ZNF804B: variants seen among roughly 807,000 people sequenced by gnomAD.
ZNF804B encodes the protein zinc finger 804B.
A neutral mutation model predicts 101.4 loss-of-function variants in ZNF804B; 80 were observed. That is an observed-to-expected ratio of 0.79 (90% CI 0.66 to 0.95). ZNF804B has a LOEUF of 0.95. Ranked by LOEUF, ZNF804B falls within the 40% of genes least tolerant of loss-of-function variation. The pLI is 0.00. For synonymous variants in ZNF804B, 622 were observed against 558.8 expected (o/e 1.11, Z -1.59); for missense variants, 1,673 against 1,561.9 (o/e 1.07, Z -1.20).
At chr7:89,324,887 T>C (rs916589879) in intron 2 of ZNF804B, among the ~76,000 whole-genome samples, 3 of 151,978 alleles carry the variant, frequency 2.0e-5, no homozygotes, top group Non-Finnish European at 4.4e-5. Context: ...CAGCTAGTTA[T>C]GTGGAGTCAG....
chr7:89,082,122 G>A (rs894016802), intron 1 of ZNF804B, among the ~76,000 whole-genome samples: 1 of 151,674 alleles, frequency 6.6e-6, no homozygotes, highest in Non-Finnish European at 1.5e-5. Context: ...CCAACTTTGT[G>A]TGAAGAACAT....
chr7:89,103,642 A>T lies in ZNF804B; in HGVS notation c.109-114513A>T, dbSNP rs75602247. On this transcript the variant is annotated intron_variant, in intron 1 of 3. Coordinates refer to ENST00000333190, the MANE Select transcript of ZNF804B (RefSeq NM_181646.5). ...CTGTGAGTCTTCTAAAGAGGTCTTT[A>T]GGGTTTTCTAGGTATATAATTATGT... Among the ~76,000 whole-genome samples, 214 of 151,898 alleles carry T rather than the reference A, an allele frequency of 1.4e-3. 4 individuals are homozygous for T. In the East Asian group the frequency reaches 0.036, roughly 26 times the overall value.
chr7:89,091,188 A>T (rs74626072), intron 1 of ZNF804B, among the ~76,000 whole-genome samples: 443 of 152,194 alleles, frequency 2.9e-3, no homozygotes, highest in Middle Eastern at 0.01. Context: ...GAGTTTAGGG[A>T]TGCTAATTAT....
chr7:88,797,906 G>C (rs952682390), intron 1 of ZNF804B, among the ~76,000 whole-genome samples: 3 of 152,088 alleles, frequency 2.0e-5, no homozygotes, highest in African/African-American at 7.2e-5. Flanking sequence ...GAACAAGATT[G>C]TTAACTCACC....
chr7:89,041,543 G>C (rs1358459243), intron 1 of ZNF804B, among the ~76,000 whole-genome samples: 1 of 152,128 alleles, frequency 6.6e-6, no homozygotes, highest in East Asian at 1.9e-4. Flanking sequence ...TGAGTCTGGA[G>C]ACTTGGTCTT....
intron 1 of ZNF804B, among the ~76,000 whole-genome samples, chr7:88,853,553 A>AT (rs1287018132): frequency 2.0e-5 from 3 of 152,232 alleles, no homozygotes; most frequent in South Asian, 4.1e-4. Flanking sequence ...CTATTCCAAG[A>AT]TTTTTTTGTG....
intron 1 of ZNF804B, among the ~76,000 whole-genome samples, chr7:89,201,258 C>T (rs1415881767): frequency 1.1e-4 from 16 of 151,980 alleles, no homozygotes; most frequent in Admixed American, 7.9e-4. Flanking sequence ...AGTAACAGAG[C>T]ATGTAAGCTG....
chr7:89,001,938 G>C (rs1325865950), intron 1 of ZNF804B, among the ~76,000 whole-genome samples: 1 of 150,900 alleles, frequency 6.6e-6, no homozygotes, highest in Non-Finnish European at 1.5e-5. Context: ...ATACAATTTT[G>C]TCAATTAAAA....
At chr7:89,331,145 T>G (rs1790971249) in intron 3 of ZNF804B, among the ~76,000 whole-genome samples, 1 of 151,704 alleles carries the variant, frequency 6.6e-6, no homozygotes, top group Admixed American at 6.6e-5. Context: ...GTCAGATCGA[T>G]TGAAGCTTCT....
intron 2 of ZNF804B, among the ~76,000 whole-genome samples, chr7:89,290,764 A>G (rs1452425756): frequency 2.0e-5 from 3 of 152,112 alleles, no homozygotes; most frequent in Non-Finnish European, 4.4e-5. Context: ...TGGCTCCTGG[A>G]TGGCATCACT....
chr7:89,271,454 C>G (rs1185647260), intron 2 of ZNF804B, among the ~76,000 whole-genome samples: 1 of 152,156 alleles, frequency 6.6e-6, no homozygotes, highest in East Asian at 1.9e-4. Context: ...TGATATGTTG[C>G]TGGATTCAGT....
At chr7:89,317,065 C>A (rs1790744110) in intron 2 of ZNF804B, among the ~76,000 whole-genome samples, 1 of 152,120 alleles carries the variant, frequency 6.6e-6, no homozygotes, top group African/African-American at 2.4e-5. Flanking sequence ...GAAAGCCCAA[C>A]CCCAGGGCAT....
intron 1 of ZNF804B, among the ~76,000 whole-genome samples, chr7:88,886,298 T>G (rs1307698140): frequency 6.8e-6 from 1 of 146,320 alleles, no homozygotes; most frequent in Non-Finnish European, 1.6e-5. Flanking sequence ...GGTGTTGATG[T>G]CTACTTGACA....
chr7:88,944,636 A>C (rs1321325914), intron 1 of ZNF804B, among the ~76,000 whole-genome samples: 1 of 151,834 alleles, frequency 6.6e-6, no homozygotes, highest in African/African-American at 2.4e-5. Context: ...TATAACAACT[A>C]TTTACATAGT....
chr7:89,200,157 G>A (rs536821206), intron 1 of ZNF804B, among the ~76,000 whole-genome samples: 2 of 151,778 alleles, frequency 1.3e-5, no homozygotes, highest in Admixed American at 1.3e-4. Flanking sequence ...GTTTGCATAT[G>A]GTTGAGCTTG....
intron 2 of ZNF804B, among the ~76,000 whole-genome samples, chr7:89,233,876 G>A (rs549783511): frequency 2.6e-5 from 4 of 152,154 alleles, no homozygotes; most frequent in East Asian, 1.9e-4. Context: ...CGCCTGCCTC[G>A]GCCTCCCAAA....
chr7:89,068,159 T>A (rs1051619951), intron 1 of ZNF804B, among the ~76,000 whole-genome samples: 2 of 149,736 alleles, frequency 1.3e-5, no homozygotes, highest in Admixed American at 1.3e-4. Flanking sequence ...CTAGTTAATT[T>A]GGTCTTTATA....
chr7:88,961,646 C>T lies in ZNF804B; in HGVS notation c.108+201562C>T, dbSNP rs556058780. The stretch of plus-strand genomic sequence containing the variant: ...CATGAGATTGAGTTTTTCCATATCT[C>T]TTCACAGAATTTGCCCTCATGGGCA... On this transcript the variant is annotated intron_variant, in intron 1 of 3. Coordinates refer to ENST00000333190, the MANE Select transcript of ZNF804B (RefSeq NM_181646.5). Among the ~76,000 whole-genome samples, 94 of 151,454 alleles carry T rather than the reference C, an allele frequency of 6.2e-4. 1 individual carries two copies. Among genetic ancestry groups the T allele is most frequent in the African/African-American group, 2.1e-3 (85 of 41,452 alleles).
intron 2 of ZNF804B, among the ~76,000 whole-genome samples, chr7:89,233,295 A>G (rs1042202377): frequency 1.3e-5 from 2 of 152,236 alleles, no homozygotes; most frequent in African/African-American, 4.8e-5. Context: ...TGTTAATATA[A>G]TAATGAGTTT....
Sources: gnomAD v4.1 joint callset for allele counts (sites outside exome capture counted in the v4.1 genomes callset) on GRCh38, gnomAD v4.1.1 for gene constraint, MANE v1.5 for transcripts, NCBI Gene and HGNC (gene_info 2026-07-23, HGNC 2026-07-21) for gene names.